PITPNM2: variants seen among roughly 807,000 people sequenced by gnomAD.
PITPNM2 encodes membrane-associated phosphatidylinositol transfer protein 2.
PITPNM2 carries 35 observed loss-of-function variants against 132.2 expected under a neutral mutation model. That is an observed-to-expected ratio of 0.26 (90% CI 0.20 to 0.35). PITPNM2 has a LOEUF of 0.35. Ranked by LOEUF, PITPNM2 falls within the 10% of genes least tolerant of loss-of-function variation. The pLI, the probability that PITPNM2 is intolerant of heterozygous loss-of-function variation, is 1.00. For missense variants in PITPNM2, 1,332 were observed against 1,912.0 expected (o/e 0.70, Z 5.66); for synonymous variants, 738 against 799.2 (o/e 0.92, Z 1.29).
rs1467406844 is a variant in PITPNM2, at chr12:123,082,370, G to A, written c.-96+28015C>T. On this transcript the variant is annotated intron_variant, in intron 2 of 25. Coordinates refer to ENST00000320201, the MANE Select transcript of PITPNM2 (RefSeq NM_020845.3). The surrounding 1 kb of genome is among the most constrained non-coding windows in gnomAD (Gnocchi z 5.4). ...GAGCGTTGATCGTTATCTAGTACCC[G>A]ACTTACTTTTCTTTCTTCTTTCCTT... Among the ~76,000 whole-genome samples, 2 of 152,082 alleles carry A rather than the reference G, an allele frequency of 1.3e-5. No homozygotes were observed. The highest frequency in any genetic ancestry group is 4.8e-5 in the African/African-American group (2 of 41,394).
chr12:123,007,929 T>G (rs1176530976), intron 6 of PITPNM2, among the ~76,000 whole-genome samples: 1 of 152,050 alleles, frequency 6.6e-6, no homozygotes, highest in Non-Finnish European at 1.5e-5. Context: ...CACGAGATCA[T>G]CCCCGTGATA....
At chr12:123,025,220 G>C (rs900950413) in intron 3 of PITPNM2, among the ~76,000 whole-genome samples, 1 of 152,164 alleles carries the variant, frequency 6.6e-6, no homozygotes, top group Non-Finnish European at 1.5e-5. Flanking sequence ...GTATGTGTGC[G>C]TGCATACACC....
intron 16 of PITPNM2, chr12:122,991,996 C>G: frequency 8.8e-7 from 1 of 1,142,452 alleles, no homozygotes; most frequent in Non-Finnish European, 1.1e-6. Flanking sequence ...CCTCGAGGAC[C>G]AGGACGTGAC....
chr12:122,983,733 A>C lies in PITPNM2; in HGVS notation c.*2294T>G, dbSNP rs1422241531. ...GGGTCTCTGCTGAATCCCTCTTTAG[A>C]AATCAAAGAGAAGGCAGGTGGTGGG... On this transcript the variant is annotated 3_prime_UTR_variant, in exon 26 of 26. Transcript: ENST00000320201. The C allele has an allele frequency of 6.6e-6, 1 of 152,116 alleles. No individual in the cohort carries two copies. The highest frequency in any genetic ancestry group is 1.5e-5 in the Non-Finnish European group (1 of 68,016). 9.4% of individuals were successfully genotyped at this position (152,116 alleles called of 1,614,324 possible).
chr12:123,035,112 A>G (rs2040223573), intron 2 of PITPNM2, among the ~76,000 whole-genome samples: 1 of 152,282 alleles, frequency 6.6e-6, no homozygotes, highest in African/African-American at 2.4e-5. Flanking sequence ...GACATGAGAC[A>G]TTCACAAGTC....
At position 122,996,862 on chromosome 12, in the gene PITPNM2, G is replaced by A. The variant is rs2038452465; in HGVS notation, c.1521C>T (p.Asp507=). The A allele has an allele frequency of 6.3e-7, 1 of 1,595,166 alleles. No homozygotes were observed. The highest frequency in any genetic ancestry group is 8.5e-7 in the Non-Finnish European group (1 of 1,175,196). The part of the protein sequence containing the change: ...HDEGCLSSSQ[D]HIPLAALPLL... ...GGGGGAGGGCAGCCAGGGGAATGTG[G>A]TCCTGACTGCTGGACAGACAGCCTT... The change falls in exon 12 of 26, where the codon GAC becomes GAT. Residue 507 remains aspartate, a synonymous_variant. Coordinates refer to ENST00000320201, the MANE Select transcript of PITPNM2 (RefSeq NM_020845.3).
At chr12:123,048,098 CAA>C (rs1306453044) in intron 2 of PITPNM2, among the ~76,000 whole-genome samples, 20 of 73,400 alleles carry the variant, frequency 2.7e-4, no homozygotes, top group Admixed American at 7.0e-4. Flanking sequence ...GACTCCATCT[CAA>C]AAAAAAAAAA....
chr12:123,050,984 C>A (rs764544554), intron 2 of PITPNM2, among the ~76,000 whole-genome samples: 1 of 152,178 alleles, frequency 6.6e-6, no homozygotes, highest in African/African-American at 2.4e-5. Context: ...GTTGCACAGG[C>A]TATGCACTGT....
Position 123,142,603 on chromosome 12 carries a change from C to T in PITPNM2, c.-200+8150G>A, listed in dbSNP as rs536122183. ...TCCCACCTCCCAGATGGTTCAACCA[C>T]AATAAACGTTTGGCCTGTCAGATGC... is the stretch of plus-strand genomic sequence containing the variant. On this transcript the variant is annotated intron_variant, in intron 1 of 25. Coordinates refer to ENST00000320201, the MANE Select transcript of PITPNM2 (RefSeq NM_020845.3). Among the ~76,000 whole-genome samples the T allele has an allele frequency of 2.9e-3, 449 of 152,312 alleles. 1 individual carries two copies. Among genetic ancestry groups the T allele is most frequent in the Admixed American group, 5.7e-3 (87 of 15,300 alleles).
chr12:123,029,567 C>A (rs1002525882), intron 3 of PITPNM2, among the ~76,000 whole-genome samples: 1 of 152,166 alleles, frequency 6.6e-6, no homozygotes, highest in African/African-American at 2.4e-5. Flanking sequence ...GCCTGGGGAA[C>A]AGAGTGAGAC....
intron 8 of PITPNM2, among the ~76,000 whole-genome samples, chr12:123,002,197 A>G (rs1239055828): frequency 2.1e-5 from 3 of 143,932 alleles, no homozygotes; most frequent in African/African-American, 5.2e-5. Context: ...TTAGGCAGGC[A>G]TGGTGGCATG....
Position 123,010,166 on chromosome 12 carries a change from C to A in PITPNM2, c.416-89G>T, listed in dbSNP as rs1218656727. 14 of 1,159,352 alleles carry A rather than the reference C, an allele frequency of 1.2e-5. No individual in the cohort carries two copies. In the East Asian group the frequency reaches 3.4e-4, roughly 28 times the overall value. 71.8% of individuals were successfully genotyped at this position (1,159,352 alleles called of 1,614,324 possible). Reference sequence around the variant, plus strand: ...ATGTTCCTCCACCCCCAAATCCTCCCAGGACTCTGGGCCTTGCCCTGCCAG... The same window carrying A: ...ATGTTCCTCCACCCCCAAATCCTCCAAGGACTCTGGGCCTTGCCCTGCCAG... On this transcript the variant is annotated intron_variant, in intron 5 of 25. Transcript: ENST00000320201.
intron 17 of PITPNM2, 73 bp downstream of exon 17, chr12:122,990,472 T>C (rs2136072545): frequency 6.4e-7 from 1 of 1,568,986 alleles, no homozygotes; most frequent in East Asian, 2.3e-5. Flanking sequence ...CTCCTAGACA[T>C]GGCCAGCAGC....
Position 122,987,546 on chromosome 12 carries a change from C to G in PITPNM2, c.3228G>C (p.Leu1076=). ...TCTTGATAGGGTAGACACCCACGCCCAGGCGGTGCGACTCAGGGATGGTGT... is the reference window on the plus strand; with the variant it reads ...TCTTGATAGGGTAGACACCCACGCCGAGGCGGTGCGACTCAGGGATGGTGT... The part of the protein sequence containing the change: ...VSYTIPESHR[L]GVGVYPIKMV... Residue 1076 remains leucine, a synonymous_variant, in exon 22 of 26, where the codon CTG becomes CTC. Coordinates refer to ENST00000320201, the MANE Select transcript of PITPNM2 (RefSeq NM_020845.3). The G allele has an allele frequency of 6.2e-7, 1 of 1,613,820 alleles. No individual in the cohort carries two copies. Among genetic ancestry groups the G allele is most frequent in the Non-Finnish European group, 8.5e-7 (1 of 1,179,910 alleles).
At chr12:123,011,786 G>A (rs1455259931) in intron 5 of PITPNM2, among the ~76,000 whole-genome samples, 2 of 152,176 alleles carry the variant, frequency 1.3e-5, no homozygotes, top group South Asian at 2.1e-4. Flanking sequence ...CCTGAACAGA[G>A]TCTTCCCCAG....
chr12:123,112,714 A>AT (rs1488163412), intron 1 of PITPNM2, among the ~76,000 whole-genome samples: 1 of 151,774 alleles, frequency 6.6e-6, no homozygotes, highest in Non-Finnish European at 1.5e-5. Flanking sequence ...ATTTTTTTGT[A>AT]TTTTTAGTAG....
chr12:123,144,973 T>C (rs2043582278), intron 1 of PITPNM2, among the ~76,000 whole-genome samples: 1 of 152,190 alleles, frequency 6.6e-6, no homozygotes, highest in Non-Finnish European at 1.5e-5. Flanking sequence ...CTAGGAGCAG[T>C]GGTTCAGTGT....
intron 1 of PITPNM2, among the ~76,000 whole-genome samples, chr12:123,119,498 C>G (rs2042992928): frequency 1.3e-5 from 2 of 151,888 alleles, no homozygotes; most frequent in South Asian, 4.2e-4. Flanking sequence ...GCTGGGACTA[C>G]AGGCACCCGC....
intron 3 of PITPNM2, among the ~76,000 whole-genome samples, chr12:123,030,992 G>A (rs1375108393): frequency 1.3e-5 from 2 of 152,104 alleles, no homozygotes; most frequent in African/African-American, 2.4e-5. Flanking sequence ...GTGGGGAGGG[G>A]GAGTGAGGAG....
Sources: gnomAD v4.1 joint callset for allele counts (sites outside exome capture counted in the v4.1 genomes callset) on GRCh38, gnomAD v4.1.1 for gene constraint, Gnocchi (gnomAD v3.1) non-coding constraint, MANE v1.5 for transcripts, NCBI Gene and HGNC (gene_info 2026-07-23, HGNC 2026-07-21) for gene names.